The following PLD5 variants were observed in gnomAD, a reference collection of about 807,000 sequenced individuals.
The protein encoded by PLD5 is phospholipase D family member 5, also known as inactive phospholipase D5.
In PLD5, 36 loss-of-function variants were observed where a neutral mutation model predicts 61.1. The ratio of observed to expected loss-of-function variants is 0.59; its 90% CI spans 0.45 to 0.78. The LOEUF (loss-of-function observed/expected upper bound fraction) is 0.78, where lower values mean the gene tolerates loss of function less well. Ranked by LOEUF, PLD5 falls within the 30% of genes least tolerant of loss-of-function variation. The pLI is 0.00. For synonymous variants in PLD5, 243 were observed against 242.8 expected (o/e 1.00, Z -0.01); for missense variants, 515 against 644.4 (o/e 0.80, Z 2.17).
At position 242,089,929 on chromosome 1, in the gene PLD5, G is replaced by A. The variant is rs745805988; in HGVS notation, c.1536C>T (p.Ser512=). Residue 512 remains serine, a synonymous_variant, in exon 10 of 10, where the codon AGC becomes AGT. Transcript: ENST00000536534. ...TGGAGAGGGGTTTGAGTTTGAACAG[G>A]CTTGAGCAGTTCGGCTGTTTGGTTG... ...LQPTKQPNCS[S]LFKLKPLSNK... 5.6e-6 allele frequency: 9 copies of A among 1,614,060 alleles called. No homozygotes were observed. The highest frequency in any genetic ancestry group is 1.3e-5 in the African/African-American group (1 of 74,916).
At chr1:242,282,421 C>T (rs538122066) in intron 3 of PLD5, among the ~76,000 whole-genome samples, 34 of 152,166 alleles carry the variant, frequency 2.2e-4, no homozygotes, top group African/African-American at 7.9e-4. Context: ...GATCCAGGCT[C>T]GTACTTCCCA....
At chr1:242,383,906 T>C (rs1369082554) in intron 1 of PLD5, among the ~76,000 whole-genome samples, 2 of 152,194 alleles carry the variant, frequency 1.3e-5, no homozygotes, top group African/African-American at 4.8e-5. Flanking sequence ...AGGAAACTGG[T>C]GTATGTACTT....
intron 5 of PLD5, among the ~76,000 whole-genome samples, chr1:242,211,805 G>C (rs751361061): frequency 3.6e-4 from 55 of 152,290 alleles, no homozygotes; most frequent in Admixed American, 5.9e-4. Flanking sequence ...GGATTATTCA[G>C]GCTAGGGTTT....
chr1:242,203,600 A>G (rs1669130899), intron 5 of PLD5: 1 of 152,370 alleles, frequency 6.6e-6, no homozygotes, highest in Non-Finnish European at 1.5e-5. Context: ...TGTTTAAAAG[A>G]GTGCAGCACT....
intron 1 of PLD5, among the ~76,000 whole-genome samples, chr1:242,511,593 A>G (rs1668911036): frequency 6.6e-6 from 1 of 151,916 alleles, no homozygotes; most frequent in Non-Finnish European, 1.5e-5. Flanking sequence ...ATGATGAAAA[A>G]AAAAAATCAG....
In PLD5 at chr1:242,089,822, T is replaced by C. The variant is rs1235604074; in HGVS notation, c.*32A>G. The C allele has an allele frequency of 3.7e-6, 6 of 1,612,122 alleles. No homozygotes were observed. The highest frequency in any genetic ancestry group is 2.2e-5 in the East Asian group (1 of 44,850). The stretch of plus-strand genomic sequence containing the variant: ...AAGTCCTTTATGTATAAATATGAAA[T>C]ACAGAGCTGTCCTGTCAGTTTCTTC... On this transcript the variant is annotated 3_prime_UTR_variant, in exon 10 of 10. Transcript: ENST00000536534.
At chr1:242,394,990 TATATATG>T (rs1558527969) in intron 1 of PLD5, among the ~76,000 whole-genome samples, 3 of 58,792 alleles carry the variant, frequency 5.1e-5, no homozygotes, top group African/African-American at 7.7e-5. Flanking sequence ...TATATATGAA[TATATATG>T]TATATATGAA....
intron 4 of PLD5, among the ~76,000 whole-genome samples, chr1:242,255,429 T>C (rs570931013): frequency 7.2e-5 from 11 of 152,238 alleles, no homozygotes; most frequent in East Asian, 5.8e-4. Context: ...TGTTCAAAAA[T>C]CACCTTGTAA....
At chr1:242,318,820 T>C (rs75825165) in intron 2 of PLD5, among the ~76,000 whole-genome samples, 5 of 151,996 alleles carry the variant, frequency 3.3e-5, no homozygotes, top group African/African-American at 1.2e-4. Flanking sequence ...GGAATGTTGC[T>C]TTTACTTCAA....
At chr1:242,392,206 T>G (rs532488214) in intron 1 of PLD5, among the ~76,000 whole-genome samples, 10 of 152,186 alleles carry the variant, frequency 6.6e-5, no homozygotes, top group Non-Finnish European at 1.2e-4. Context: ...AGCTAAGAAC[T>G]GGGTACATAT....
At chr1:242,105,597 G>T (rs1385210174) in intron 8 of PLD5, among the ~76,000 whole-genome samples, 2 of 152,100 alleles carry the variant, frequency 1.3e-5, no homozygotes, top group African/African-American at 2.4e-5. Context: ...GTTTATAAAT[G>T]ATATAAATGA....
chr1:242,402,018 C>A (rs1663961895), intron 1 of PLD5, among the ~76,000 whole-genome samples: 1 of 152,338 alleles, frequency 6.6e-6, no homozygotes, highest in East Asian at 1.9e-4. Context: ...TATTCTCCCA[C>A]CCCGGCTTCC....
chr1:242,278,797 G>T (rs1057283512), intron 3 of PLD5, among the ~76,000 whole-genome samples: 1 of 152,116 alleles, frequency 6.6e-6, no homozygotes, highest in Non-Finnish European at 1.5e-5. Flanking sequence ...TTCAATAAAG[G>T]CACATTTAAC....
upstream of PLD5, chr1:242,524,782 G>A (rs1669399543): frequency 1.3e-5 from 2 of 149,042 alleles, no homozygotes; most frequent in South Asian, 4.1e-4. Context: ...GCCAGCCCGC[G>A]CCTGCAGGTT....
intron 5 of PLD5, among the ~76,000 whole-genome samples, chr1:242,172,330 G>A (rs982606482): frequency 2.6e-5 from 4 of 152,286 alleles, no homozygotes; most frequent in Admixed American, 2.6e-4. Flanking sequence ...TGAAACCAAT[G>A]AGAACAAAGA....
At chr1:242,272,226 G>T (rs1674132468) in intron 3 of PLD5, among the ~76,000 whole-genome samples, 1 of 152,010 alleles carries the variant, frequency 6.6e-6, no homozygotes, top group Non-Finnish European at 1.5e-5. Flanking sequence ...GCTGTAAACT[G>T]AGATGTACCA....
intron 4 of PLD5, among the ~76,000 whole-genome samples, chr1:242,224,237 A>C (rs1670786132): frequency 2.0e-5 from 3 of 152,206 alleles, no homozygotes; most frequent in Admixed American, 2.0e-4. Context: ...CACTTATGCA[A>C]ATACAGACAA....
chr1:242,214,675 G>C (rs1028668364), intron 5 of PLD5, among the ~76,000 whole-genome samples: 9 of 152,048 alleles, frequency 5.9e-5, no homozygotes, highest in Non-Finnish European at 1.0e-4. Flanking sequence ...TGCCCAGATT[G>C]CCAGCTCACA....
chr1:242,366,826 T>G (rs1331783469), intron 1 of PLD5, among the ~76,000 whole-genome samples: 1 of 152,126 alleles, frequency 6.6e-6, no homozygotes, highest in Non-Finnish European at 1.5e-5. Context: ...GAGTGATGAA[T>G]AAGTGAATAA....
Sources: gnomAD v4.1 joint callset for allele counts (sites outside exome capture counted in the v4.1 genomes callset) on GRCh38, gnomAD v4.1.1 for gene constraint, MANE v1.5 for transcripts, NCBI Gene and HGNC (gene_info 2026-07-23, HGNC 2026-07-21) for gene names.